The following NUP98 variants were observed in gnomAD, a reference collection of about 807,000 sequenced individuals.
The protein encoded by NUP98 is nucleoporin 98 and 96 precursor, also known as nuclear pore complex protein Nup98-Nup96.
NUP98 carries 26 observed loss-of-function variants against 191.9 expected under a neutral mutation model. That is an observed-to-expected ratio of 0.14 (90% CI 0.10 to 0.19). The LOEUF is 0.19. Ranked by LOEUF, NUP98 falls within the 10% of genes least tolerant of loss-of-function variation. The probability of loss-of-function intolerance (pLI) is 1.00; values close to 1 mark genes in which losing one functional copy is unlikely to be tolerated. For missense variants in NUP98, 1,941 were observed against 2,178.8 expected (o/e 0.89, Z 2.17); for synonymous variants, 808 against 778.4 (o/e 1.04, Z -0.63).
chr11:3,751,418 G>A (rs772561039), intron 11 of NUP98, among the ~76,000 whole-genome samples: 4 of 151,528 alleles, frequency 2.6e-5, no homozygotes, highest in South Asian at 4.1e-4. Context: ...ATGTACAGAC[G>A]TGTGTGTGTG....
chr11:3,782,974 C>G (rs1239496422), intron 1 of NUP98, among the ~76,000 whole-genome samples: 4 of 152,204 alleles, frequency 2.6e-5, no homozygotes, highest in Admixed American at 2.0e-4. Flanking sequence ...CCTTCTATCT[C>G]TAAATCCCAG....
chr11:3,675,947 C>A lies in NUP98; in HGVS notation c.*212G>T. Reference sequence around the variant, plus strand: ...ACTGAATGATCTTGAGGATGGTAAACTGTCTCCTCTTCTGGGTTCCAGAAG... The same window carrying A: ...ACTGAATGATCTTGAGGATGGTAAAATGTCTCCTCTTCTGGGTTCCAGAAG... On this transcript the variant is annotated 3_prime_UTR_variant, in exon 33 of 33. Coordinates refer to ENST00000324932, the MANE Select transcript of NUP98 (RefSeq NM_016320.5). The A allele has an allele frequency of 5.2e-6, 3 of 578,740 alleles. No homozygotes were observed. The highest frequency in any genetic ancestry group is 6.2e-5 in the Admixed American group (2 of 32,264). 35.9% of individuals were successfully genotyped at this position (578,740 alleles called of 1,614,324 possible).
chr11:3,784,947 G>A (rs1281820786), intron 1 of NUP98, among the ~76,000 whole-genome samples: 2 of 151,892 alleles, frequency 1.3e-5, no homozygotes, highest in African/African-American at 4.8e-5. Context: ...GACCAGCCTG[G>A]CCAACATGGT....
chr11:3,774,851 TTCAC>T (rs1347807304), intron 5 of NUP98, among the ~76,000 whole-genome samples: 1 of 152,236 alleles, frequency 6.6e-6, no homozygotes, highest in African/African-American at 2.4e-5. Flanking sequence ...CACAGTATTC[TTCAC>T]TATCATTTTA....
rs763770183 is a variant in NUP98, at chr11:3,713,847, G to A, written c.2548C>T (p.Arg850Trp). The A allele has an allele frequency of 4.3e-6, 7 of 1,614,030 alleles. No individual in the cohort carries two copies. Among genetic ancestry groups the A allele is most frequent in the East Asian group, 4.5e-5 (2 of 44,870 alleles). Residue 850 changes from arginine (R) to tryptophan (W), a missense_variant, in exon 19 of 33, where the codon CGG (arginine) becomes TGG (tryptophan). Around this residue, in one of 6 missense-constraint regions of NUP98, gnomAD observed 95 missense variants for 139.7 expected, o/e 0.68. Coordinates refer to ENST00000324932, the MANE Select transcript of NUP98 (RefSeq NM_016320.5). ...AACACCCAAGAACCAGTTTCAGGCC[G>A]GTATTCTTTGAATTGAGCTCCCTGT... ...RKQGAQFKEY[R>W]PETGSWVFKV...
chr11:3,766,689 C>CAAAAAA (rs544567161), intron 8 of NUP98, among the ~76,000 whole-genome samples: 3,411 of 58,704 alleles, frequency 0.058, 66 homozygotes, highest in Non-Finnish European at 0.092. Context: ...AACTCCGTCT[C>CAAAAAA]AAAAAAAAAA....
chr11:3,707,450 A>G (rs1021185629), intron 20 of NUP98, among the ~76,000 whole-genome samples: 4 of 152,046 alleles, frequency 2.6e-5, no homozygotes, highest in Non-Finnish European at 5.9e-5. Flanking sequence ...ATATTTTCAA[A>G]CCAAAAAAAA....
chr11:3,701,830 C>T (rs536702115), intron 23 of NUP98, among the ~76,000 whole-genome samples: 2 of 151,852 alleles, frequency 1.3e-5, no homozygotes, highest in East Asian at 2.0e-4. Context: ...GGTCTACAGG[C>T]GCCTGCCACA....
chr11:3,701,616 ATAAC>A (rs1253073541), intron 23 of NUP98, among the ~76,000 whole-genome samples: 2 of 152,026 alleles, frequency 1.3e-5, no homozygotes, highest in Non-Finnish European at 2.9e-5. Flanking sequence ...TTAACCTAGA[ATAAC>A]TAAGTTTAGG....
At chr11:3,734,036 TTC>T (rs2079949034) in intron 13 of NUP98, among the ~76,000 whole-genome samples, 1 of 150,498 alleles carries the variant, frequency 6.6e-6, no homozygotes, top group African/African-American at 2.5e-5. Flanking sequence ...AAGATCCCAT[TTC>T]TCTTTTTTTT....
chr11:3,724,375 A>G (rs276900), intron 15 of NUP98, among the ~76,000 whole-genome samples: 79,331 of 150,212 alleles, frequency 0.53, 21,522 homozygotes, highest in African/African-American at 0.64. Context: ...ATCAGAGGAT[A>G]CAGTGGGCCG....
intron 1 of NUP98, among the ~76,000 whole-genome samples, chr11:3,783,121 T>C (rs1405947400): frequency 6.6e-6 from 1 of 152,136 alleles, no homozygotes; most frequent in African/African-American, 2.4e-5. Flanking sequence ...CCAGGCACAG[T>C]GGGCTCACAC....
chr11:3,697,078 G>A (rs2134085736), intron 25 of NUP98: 2 of 152,034 alleles, frequency 1.3e-5, no homozygotes, highest in South Asian at 4.2e-4. Flanking sequence ...CAATCCCAAA[G>A]ATAAATTCTC....
At chr11:3,754,853 A>C (rs2080901109) in intron 10 of NUP98, among the ~76,000 whole-genome samples, 1 of 150,184 alleles carries the variant, frequency 6.7e-6, no homozygotes, top group Admixed American at 6.6e-5. Flanking sequence ...GAAGCAGGAG[A>C]ATTGCTTAAA....
intron 20 of NUP98, among the ~76,000 whole-genome samples, chr11:3,710,420 G>A (rs1021850960): frequency 2.0e-5 from 3 of 152,032 alleles, no homozygotes; most frequent in Admixed American, 1.3e-4. Flanking sequence ...GAGCAAAAGC[G>A]AGGCTTAAGA....
intron 1 of NUP98, among the ~76,000 whole-genome samples, chr11:3,794,239 G>C (rs948592374): frequency 1.3e-5 from 2 of 152,080 alleles, no homozygotes; most frequent in African/African-American, 2.4e-5. Flanking sequence ...AAATACTTAC[G>C]GTCAATTTCA....
chr11:3,768,468 C>G, intron 8 of NUP98, 113 bp downstream of exon 8: 1 of 951,080 alleles, frequency 1.1e-6, no homozygotes, highest in Non-Finnish European at 1.5e-6. Context: ...TAAATACCCT[C>G]AACTCTTAAG....
chr11:3,778,198 C>G (rs1207417625), intron 4 of NUP98, among the ~76,000 whole-genome samples: 1 of 60,542 alleles, frequency 1.7e-5, no homozygotes, highest in Non-Finnish European at 3.3e-5. Flanking sequence ...GACTCCATCT[C>G]AAAAAAAAAA....
intron 1 of NUP98, among the ~76,000 whole-genome samples, chr11:3,795,608 T>G (rs1262946007): frequency 2.6e-5 from 4 of 152,142 alleles, no homozygotes; most frequent in Non-Finnish European, 4.4e-5. Context: ...ACACACTTAC[T>G]GAGGGCCTAC....
Sources: allele counts gnomAD v4.1 joint callset (sites outside exome capture counted in the v4.1 genomes callset), GRCh38; gene constraint gnomAD v4.1.1; regional missense constraint gnomAD v4.1.1; transcripts MANE v1.5; gene names NCBI Gene and HGNC (gene_info 2026-07-23, HGNC 2026-07-21).